The following FAM13A variants were observed in gnomAD, a reference collection of about 807,000 sequenced individuals.
FAM13A encodes the protein family with sequence similarity 13 member A.
A neutral mutation model predicts 129.6 loss-of-function variants in FAM13A; 76 were observed. That is an observed-to-expected ratio of 0.59 (90% CI 0.49 to 0.71). FAM13A has a LOEUF of 0.71. Ranked by LOEUF, FAM13A falls within the 30% of genes least tolerant of loss-of-function variation. FAM13A has a pLI of 0.00. For synonymous variants in FAM13A, 443 were observed against 449.9 expected, an observed-to-expected ratio of 0.98 and a Z score of 0.20; for missense variants, 1,108 against 1,249.3, an observed-to-expected ratio of 0.89 and a Z score of 1.70.
intron 5 of FAM13A, among the ~76,000 whole-genome samples, chr4:88,928,327 G>C (rs1241594734): frequency 6.6e-6 from 1 of 152,000 alleles, no homozygotes; most frequent in Non-Finnish European, 1.5e-5. Context: ...TGGGTAGAAT[G>C]TTCTGCGAAT....
intron 6 of FAM13A, among the ~76,000 whole-genome samples, chr4:88,881,604 A>G (rs1743582328): frequency 6.6e-6 from 1 of 152,230 alleles, no homozygotes; most frequent in African/African-American, 2.4e-5. Context: ...CTAGCTCACC[A>G]GGAATTGATC....
chr4:88,805,185 T>A, intron 7 of FAM13A, 133 bp from the exon 8 acceptor site: 1 of 618,088 alleles, frequency 1.6e-6, no homozygotes, highest in Non-Finnish European at 2.9e-6. Flanking sequence ...ATAAGGTTAG[T>A]AAAACATGAT....
intron 4 of FAM13A, among the ~76,000 whole-genome samples, chr4:88,945,725 C>T (rs185693073): frequency 7.0e-6 from 1 of 142,406 alleles, no homozygotes; most frequent in Non-Finnish European, 1.5e-5. Flanking sequence ...TAAAAAGTCA[C>T]ATTTTCTTAC....
chr4:89,056,333 A>C (rs1398466361), intron 1 of FAM13A, among the ~76,000 whole-genome samples: 1 of 152,178 alleles, frequency 6.6e-6, no homozygotes, highest in Non-Finnish European at 1.5e-5. Context: ...AACTCCAGAA[A>C]TATGCACATT....
At chr4:88,779,612 A>G (rs1722467674) in intron 11 of FAM13A, among the ~76,000 whole-genome samples, 1 of 152,220 alleles carries the variant, frequency 6.6e-6, no homozygotes, top group Non-Finnish European at 1.5e-5. Context: ...GACATGCACA[A>G]TCCTGGAATG....
At chr4:88,823,047 C>G (rs1355736056) in intron 7 of FAM13A, 4 of 1,612,194 alleles carry the variant, frequency 2.5e-6, no homozygotes, top group Non-Finnish European at 3.4e-6. Context: ...ACTGTCTCTT[C>G]CACGGCAAGT....
At chr4:88,997,017 TTAGG>T (rs1409603987) in intron 3 of FAM13A, among the ~76,000 whole-genome samples, 2 of 152,156 alleles carry the variant, frequency 1.3e-5, no homozygotes, top group African/African-American at 2.4e-5. Context: ...AATATTACTG[TTAGG>T]TAGGAATCAG....
intron 6 of FAM13A, among the ~76,000 whole-genome samples, chr4:88,875,058 T>G (rs1164236187): frequency 6.6e-6 from 1 of 152,194 alleles, no homozygotes; most frequent in Admixed American, 6.5e-5. Flanking sequence ...CCCTATTTAA[T>G]AAATGGTGCT....
intron 3 of FAM13A, among the ~76,000 whole-genome samples, chr4:89,009,493 CTG>C (rs994495282): frequency 1.3e-5 from 2 of 152,186 alleles, no homozygotes; most frequent in African/African-American, 2.4e-5. Flanking sequence ...CCACACATGT[CTG>C]TGTCTTTCCA....
chr4:88,839,831 G>C (rs181272075), intron 7 of FAM13A, among the ~76,000 whole-genome samples: 1 of 152,214 alleles, frequency 6.6e-6, no homozygotes, highest in Admixed American at 6.5e-5. Flanking sequence ...CGTTGTCCTG[G>C]GGGGTGGAGG....
intron 7 of FAM13A, among the ~76,000 whole-genome samples, chr4:88,826,468 T>C (rs1400813797): frequency 6.6e-6 from 1 of 152,216 alleles, no homozygotes; most frequent in East Asian, 1.9e-4. Flanking sequence ...GAAAATCTCA[T>C]AACTTGGTAA....
At position 88,771,151 on chromosome 4, in the gene FAM13A, AT is replaced by A. The variant is rs10674716; in HGVS notation, c.1459-3093del. On this transcript the variant is annotated intron_variant, in intron 11 of 23. Transcript: ENST00000264344. ...TGAAGAATGCTACAACCCGGAAAGC[AT>A]TTTTTTTTTTTTTCAGAATGAAACT... is the stretch of plus-strand genomic sequence containing the variant. Among the ~76,000 whole-genome samples, 164 of 143,502 alleles carry A rather than the reference AT, an allele frequency of 1.1e-3. 2 individuals are homozygous for A. The highest frequency in any genetic ancestry group is 3.3e-3 in the African/African-American group (131 of 39,356). 94.1% of individuals were successfully genotyped at this position (143,502 alleles called of 152,430 possible).
chr4:88,971,013 C>G (rs552410726), intron 4 of FAM13A, among the ~76,000 whole-genome samples: 2 of 152,292 alleles, frequency 1.3e-5, no homozygotes, highest in East Asian at 3.9e-4. Flanking sequence ...TCAAGACCAT[C>G]CTGGCTAACA....
intron 1 of FAM13A, among the ~76,000 whole-genome samples, chr4:89,034,054 T>C (rs1476462178): frequency 6.6e-6 from 1 of 152,064 alleles, no homozygotes; most frequent in African/African-American, 2.4e-5. Context: ...CAAAAGCAAA[T>C]GCAACAAAGC....
chr4:89,052,412 A>C (rs1771726546), intron 1 of FAM13A, among the ~76,000 whole-genome samples: 1 of 149,148 alleles, frequency 6.7e-6, no homozygotes, highest in African/African-American at 2.5e-5. Context: ...GCACCCATTA[A>C]CTCATCATTT....
chr4:88,747,753 C>T lies in FAM13A; in HGVS notation c.2260G>A (p.Asp754Asn). 6.2e-7 allele frequency: 1 copy of T among 1,614,214 alleles called. No homozygotes were observed. Among genetic ancestry groups the T allele is most frequent in the Non-Finnish European group, 8.5e-7 (1 of 1,180,030 alleles). ...TCCACCAGCTCTTGCTTCTTCTCAT[C>T]TTCTTTCTCAAGTTGGGAACCAAAA... ...KSFGSQLEKE[D>N]EKKQELVDKA... Residue 754 changes from aspartate (D) to asparagine (N), a missense_variant, in exon 18 of 24, where the codon GAT (aspartate) becomes AAT (asparagine). Coordinates refer to ENST00000264344, the MANE Select transcript of FAM13A (RefSeq NM_014883.4).
chr4:88,916,685 A>G (rs528935355), intron 5 of FAM13A, among the ~76,000 whole-genome samples: 1 of 152,232 alleles, frequency 6.6e-6, no homozygotes, highest in Admixed American at 6.5e-5. Flanking sequence ...CTTCCTCCAA[A>G]AAGTTTGTAT....
At chr4:88,785,930 T>C (rs1264886317) in intron 10 of FAM13A, among the ~76,000 whole-genome samples, 1 of 152,056 alleles carries the variant, frequency 6.6e-6, no homozygotes, top group African/African-American at 2.4e-5. Flanking sequence ...GTGAAGGGAA[T>C]AGCAAGAGAA....
chr4:88,800,572 C>A (rs1369804076), intron 8 of FAM13A, among the ~76,000 whole-genome samples: 2 of 150,366 alleles, frequency 1.3e-5, no homozygotes, highest in Non-Finnish European at 3.0e-5. Context: ...GTAATCCCAG[C>A]TACTCTGGAG....
Sources: allele counts gnomAD v4.1 joint callset (sites outside exome capture counted in the v4.1 genomes callset), GRCh38; gene constraint gnomAD v4.1.1; transcripts MANE v1.5; gene names NCBI Gene and HGNC (gene_info 2026-07-23, HGNC 2026-07-21).